The following CACNA2D1 variants were observed in gnomAD, a reference collection of about 807,000 sequenced individuals.
The protein encoded by CACNA2D1 is voltage-dependent calcium channel subunit alpha-2/delta-1.
Under a neutral mutation model 171.5 loss-of-function variants are expected in CACNA2D1, and 53 were observed. The ratio of observed to expected loss-of-function variants is 0.31; its 90% CI spans 0.25 to 0.39. CACNA2D1 has a LOEUF of 0.39. Among genes scored for constraint, CACNA2D1 ranks in the 10% least tolerant of loss-of-function variants. The pLI is 1.00. For synonymous variants in CACNA2D1, 442 were observed against 443.1 expected, an observed-to-expected ratio of 1.00 and a Z score of 0.03; for missense variants, 903 against 1,299.8, an observed-to-expected ratio of 0.69 and a Z score of 4.69.
intron 38 of CACNA2D1, among the ~76,000 whole-genome samples, chr7:81,951,252 T>G (rs28575317): frequency 6.6e-6 from 1 of 151,948 alleles, no homozygotes; most frequent in African/African-American, 2.4e-5. Context: ...AAAAGTATTA[T>G]TCATCTTTTA....
At chr7:82,230,617 G>A (rs1166368456) in intron 3 of CACNA2D1, among the ~76,000 whole-genome samples, 2 of 152,156 alleles carry the variant, frequency 1.3e-5, no homozygotes, top group Non-Finnish European at 2.9e-5. Context: ...CCAAATGGGT[G>A]CAACCTGAAT....
chr7:82,235,814 A>G (rs979942702), intron 3 of CACNA2D1, among the ~76,000 whole-genome samples: 2 of 152,128 alleles, frequency 1.3e-5, no homozygotes, highest in Non-Finnish European at 2.9e-5. Context: ...CCAACTGGAC[A>G]ATACAGAAGA....
At chr7:82,102,769 A>G (rs1163898229) in intron 6 of CACNA2D1, among the ~76,000 whole-genome samples, 1 of 152,142 alleles carries the variant, frequency 6.6e-6, no homozygotes, top group Non-Finnish European at 1.5e-5. Context: ...ACTTCCACCT[A>G]TAACCAATGG....
At chr7:82,050,198 A>C (rs1805030324) in intron 10 of CACNA2D1, 1 of 184,730 alleles carries the variant, frequency 5.4e-6, no homozygotes, top group Non-Finnish European at 1.1e-5. Context: ...ATATTTAAAC[A>C]ACCTCCTGCT....
chr7:82,032,940 A>G (rs2131155776), intron 11 of CACNA2D1, 39 bp from the exon 12 acceptor site: 1 of 1,075,390 alleles, frequency 9.3e-7, no homozygotes, highest in African/African-American at 1.6e-5. Flanking sequence ...TATGCGTATT[A>G]TTCACAATAA....
Position 82,000,474 on chromosome 7 carries a change from G to A in CACNA2D1, c.1591-3224C>T, listed in dbSNP as rs887061199. Among the ~76,000 whole-genome samples the A allele has an allele frequency of 4.6e-5, 7 of 152,252 alleles. No individual in the cohort carries two copies. In the South Asian group the frequency reaches 1.5e-3, roughly 32 times the overall value. ...AGAAAATTAAACACTACAGGATTTA[G>A]TGGAGTGCTCAAGAACACAGTGTTG... On this transcript the variant is annotated intron_variant, in intron 18 of 38. Coordinates refer to ENST00000356860, the MANE Select transcript of CACNA2D1 (RefSeq NM_000722.4).
In CACNA2D1 at chr7:82,012,234, C is replaced by G; in HGVS notation, c.1282G>C (p.Asp428His). The G allele has an allele frequency of 1.3e-6, 2 of 1,575,636 alleles. No homozygotes were observed. The highest frequency in any genetic ancestry group is 1.7e-6 in the Non-Finnish European group (2 of 1,152,146). ...AIRINTQEYL[D>H]VLGRPMVLAG... ...AAAACCATTGGTCTTCCCAAAACAT[C>G]CAAATATTCCTGTTTATGGGAAAAA... Residue 428 changes from aspartate (D) to histidine (H), a missense_variant, in exon 15 of 39, where the codon GAT becomes CAT. Around this residue, in one of 5 missense-constraint regions of CACNA2D1, gnomAD observed 623 missense variants for 925.5 expected, o/e 0.67. Transcript: ENST00000356860.
intron 3 of CACNA2D1, among the ~76,000 whole-genome samples, chr7:82,245,491 A>G (rs978938794): frequency 6.6e-6 from 1 of 152,144 alleles, no homozygotes; most frequent in Admixed American, 6.6e-5. Flanking sequence ...AACTCTAAAA[A>G]TGGAGTAACT....
At chr7:82,282,211 T>A (rs528587992) in intron 3 of CACNA2D1, among the ~76,000 whole-genome samples, 3 of 152,218 alleles carry the variant, frequency 2.0e-5, no homozygotes, top group South Asian at 4.2e-4. Context: ...GGTAGGAGAA[T>A]CCCTTGAACC....
rs190437476 is a variant in CACNA2D1, at chr7:82,305,312, C to T, written c.294+29823G>A. 3.0e-3 allele frequency among the ~76,000 whole-genome samples: 451 copies of T among 152,266 alleles called. 1 individual carries two copies. Among genetic ancestry groups the T allele is most frequent in the Middle Eastern group, 0.014 (4 of 294 alleles). ...AATAAAGGGAACCAAAAATATTTCG[C>T]TCCAAAATATACTTCTTTGACATAT... On this transcript the variant is annotated intron_variant, in intron 3 of 38. Transcript: ENST00000356860.
Position 82,406,734 on chromosome 7 carries a change from C to T in CACNA2D1, c.95+36631G>A, listed in dbSNP as rs150049177. Among the ~76,000 whole-genome samples, 1,402 of 152,050 alleles carry T rather than the reference C, an allele frequency of 9.2e-3. 22 individuals carry two copies. The highest frequency in any genetic ancestry group is 0.032 in the African/African-American group (1,323 of 41,470). ...TCATATCCTTCACCCACTTTTTGAT[C>T]GGGTTGATTTTTTCTTGTCAGTTTT... On this transcript the variant is annotated intron_variant, in intron 1 of 38. Coordinates refer to ENST00000356860, the MANE Select transcript of CACNA2D1 (RefSeq NM_000722.4).
intron 3 of CACNA2D1, among the ~76,000 whole-genome samples, chr7:82,181,984 G>A (rs1270105991): frequency 1.3e-5 from 2 of 152,158 alleles, no homozygotes; most frequent in South Asian, 4.1e-4. Flanking sequence ...TTATTAATTT[G>A]CATTAACAAA....
At chr7:82,417,123 C>T (rs1828256078) in intron 1 of CACNA2D1, among the ~76,000 whole-genome samples, 2 of 152,118 alleles carry the variant, frequency 1.3e-5, no homozygotes, top group Non-Finnish European at 2.9e-5. Context: ...GTTACATATA[C>T]ACATTAGTAA....
In CACNA2D1 at chr7:81,967,280, A is replaced by T; in HGVS notation, c.2464-73T>A. 3 of 1,183,388 alleles carry T rather than the reference A, an allele frequency of 2.5e-6. No individual in the cohort carries two copies. The South Asian group carries it at 3.8e-5, about 15-fold the overall frequency. 73.3% of individuals were successfully genotyped at this position (1,183,388 alleles called of 1,614,324 possible). A position where few individuals can be genotyped will look rare whatever the true frequency, so the allele number is the denominator to read the frequency against. The stretch of plus-strand genomic sequence containing the variant: ...TTAATTATATTATTACCATGTTATA[A>T]TTAGAAATTCTGAAATAATTTATCC... On this transcript the variant is annotated intron_variant, in intron 30 of 38. Transcript: ENST00000356860.
chr7:82,178,016 G>A (rs1472301600), intron 3 of CACNA2D1, among the ~76,000 whole-genome samples: 1 of 151,994 alleles, frequency 6.6e-6, no homozygotes, highest in African/African-American at 2.4e-5. Context: ...GCCAGATTAT[G>A]GGAAATAAAA....
chr7:82,167,802 G>A (rs1157959023), intron 4 of CACNA2D1, among the ~76,000 whole-genome samples: 1 of 151,948 alleles, frequency 6.6e-6, no homozygotes, highest in Non-Finnish European at 1.5e-5. Flanking sequence ...ATGTCAACAG[G>A]CCCTAAATAA....
chr7:82,403,546 C>T (rs1190914659), intron 1 of CACNA2D1, among the ~76,000 whole-genome samples: 1 of 152,094 alleles, frequency 6.6e-6, no homozygotes, highest in Non-Finnish European at 1.5e-5. Flanking sequence ...GTAGCAATCC[C>T]CAATTTTATA....
chr7:82,372,442 C>T lies in CACNA2D1; in HGVS notation c.96-22793G>A, dbSNP rs1001771851. ...TTAACATAAATATTCCTCCAAAAACCTGTTCAATCCTCTGGAAATAAGTAT... is the reference window on the plus strand; with the variant it reads ...TTAACATAAATATTCCTCCAAAAACTTGTTCAATCCTCTGGAAATAAGTAT... On this transcript the variant is annotated intron_variant, in intron 1 of 38. Coordinates refer to ENST00000356860, the MANE Select transcript of CACNA2D1 (RefSeq NM_000722.4). Among the ~76,000 whole-genome samples the T allele has an allele frequency of 2.6e-5, 4 of 152,064 alleles. No individual in the cohort carries two copies. In the South Asian group the frequency reaches 8.3e-4, roughly 32 times the overall value.
At chr7:82,096,143 CT>C (rs1248477861) in intron 6 of CACNA2D1, among the ~76,000 whole-genome samples, 1 of 152,204 alleles carries the variant, frequency 6.6e-6, no homozygotes, top group African/African-American at 2.4e-5. Flanking sequence ...AATAGGCACA[CT>C]TTTTCTTAAA....
Sources: gnomAD v4.1 joint callset for allele counts (sites outside exome capture counted in the v4.1 genomes callset) on GRCh38, gnomAD v4.1.1 for gene constraint, gnomAD v4.1.1 regional missense constraint, MANE v1.5 for transcripts, NCBI Gene and HGNC (gene_info 2026-07-23, HGNC 2026-07-21) for gene names.